Variants in CDH10 observed in about 807,000 individuals in gnomAD.
CDH10 encodes cadherin 10, also known as cadherin-10.
A neutral mutation model predicts 73.1 loss-of-function variants in CDH10; 30 were observed. The ratio of observed to expected loss-of-function variants is 0.41; its 90% CI spans 0.31 to 0.56. CDH10 has a LOEUF of 0.56. Among genes scored for constraint, CDH10 ranks in the 20% least tolerant of loss-of-function variants. The probability of loss-of-function intolerance (pLI) is 0.27; values close to 1 mark genes in which losing one functional copy is unlikely to be tolerated. For synonymous variants in CDH10, 345 were observed against 348.2 expected (o/e 0.99, Z 0.10); for missense variants, 815 against 973.7 (o/e 0.84, Z 2.17).
intron 5 of CDH10, among the ~76,000 whole-genome samples, chr5:24,531,391 A>G (rs536404634): frequency 3.3e-5 from 5 of 152,228 alleles, no homozygotes; most frequent in South Asian, 4.1e-4. Flanking sequence ...GACAAACACC[A>G]TATACTTGTA....
intron 5 of CDH10, among the ~76,000 whole-genome samples, chr5:24,514,248 CAG>C (rs1424432002): frequency 6.6e-6 from 1 of 152,134 alleles, no homozygotes; most frequent in Non-Finnish European, 1.5e-5. Context: ...AAGCTTTACT[CAG>C]AGTTTCAAAA....
chr5:24,542,543 A>C (rs1960616), intron 2 of CDH10, among the ~76,000 whole-genome samples: 1,657 of 152,274 alleles, frequency 0.011, 25 homozygotes, highest in African/African-American at 0.037. Context: ...GGTATGTAGA[A>C]GGTTATACCA....
intron 11 of CDH10, among the ~76,000 whole-genome samples, chr5:24,489,912 T>A (rs1337044303): frequency 2.0e-5 from 3 of 152,112 alleles, no homozygotes; most frequent in Admixed American, 6.6e-5. Context: ...ATACACTGAC[T>A]AATAGCAAGG....
chr5:24,499,700 AT>A (rs1452398065), intron 8 of CDH10, among the ~76,000 whole-genome samples: 1 of 147,182 alleles, frequency 6.8e-6, no homozygotes, highest in Non-Finnish European at 1.5e-5. Flanking sequence ...AAAAAAAAAA[AT>A]GATGCATTTT....
chr5:24,494,449 T>G lies in CDH10; in HGVS notation c.1516-1524A>C, dbSNP rs556106805. Among the ~76,000 whole-genome samples, 7 of 152,070 alleles carry G rather than the reference T, an allele frequency of 4.6e-5. No individual in the cohort carries two copies. The East Asian group carries it at 1.2e-3, about 25-fold the overall frequency. On this transcript the variant is annotated intron_variant, in intron 9 of 11. Transcript: ENST00000264463. Reference sequence around the variant, plus strand: ...AATAACATCAAAAAAGACAGTAGACTACTAGAAATCCTTAGTCATTAAGAT... The same window carrying G: ...AATAACATCAAAAAAGACAGTAGACGACTAGAAATCCTTAGTCATTAAGAT...
At chr5:24,597,211 T>C (rs1746399326) in intron 1 of CDH10, among the ~76,000 whole-genome samples, 1 of 152,106 alleles carries the variant, frequency 6.6e-6, no homozygotes, top group Non-Finnish European at 1.5e-5. Context: ...CCACTTTTAA[T>C]ATATATTCAC....
chr5:24,556,424 T>C (rs559339863), intron 2 of CDH10, among the ~76,000 whole-genome samples: 284 of 152,174 alleles, frequency 1.9e-3, no homozygotes, highest in Middle Eastern at 0.01. Context: ...GTTTGATTTA[T>C]ATTAATAAAT....
chr5:24,574,690 T>C (rs1243771205), intron 2 of CDH10, among the ~76,000 whole-genome samples: 1 of 70,582 alleles, frequency 1.4e-5, no homozygotes, highest in African/African-American at 2.9e-5. Flanking sequence ...AAATATCCTA[T>C]TGAAGGAACT....
At chr5:24,596,987 A>G (rs1470664294) in intron 1 of CDH10, among the ~76,000 whole-genome samples, 1 of 152,012 alleles carries the variant, frequency 6.6e-6, no homozygotes, top group Non-Finnish European at 1.5e-5. Context: ...TGAAACTATT[A>G]TTAAACTACC....
chr5:24,596,999 C>T lies in CDH10; in HGVS notation c.-123-3386G>A, dbSNP rs555590848. Among the ~76,000 whole-genome samples the T allele has an allele frequency of 3.9e-5, 6 of 152,046 alleles. No individual in the cohort carries two copies. The East Asian group carries it at 1.2e-3, about 29-fold the overall frequency. On this transcript the variant is annotated intron_variant, in intron 1 of 11. Transcript: ENST00000264463. ...GGTTGAAACTATTATTAAACTACCTCTCTGACTAAAAATGCTAAAATTAAT... is the reference window on the plus strand; with the variant it reads ...GGTTGAAACTATTATTAAACTACCTTTCTGACTAAAAATGCTAAAATTAAT...
chr5:24,549,940 A>G (rs567491774), intron 2 of CDH10, among the ~76,000 whole-genome samples: 1 of 152,322 alleles, frequency 6.6e-6, no homozygotes, highest in South Asian at 2.1e-4. Context: ...AGAAAGGTGA[A>G]ATAAGTATAT....
intron 2 of CDH10, among the ~76,000 whole-genome samples, chr5:24,544,745 C>G (rs1230026740): frequency 6.6e-6 from 1 of 152,156 alleles, no homozygotes; most frequent in African/African-American, 2.4e-5. Context: ...ACTCAAGAAC[C>G]TACAAGAGAT....
At chr5:24,513,608 A>G (rs913601417) in intron 5 of CDH10, among the ~76,000 whole-genome samples, 3 of 152,158 alleles carry the variant, frequency 2.0e-5, no homozygotes, top group Non-Finnish European at 4.4e-5. Flanking sequence ...GCATATACAT[A>G]CGCTACATGT....
At chr5:24,540,833 T>C (rs1223811375) in intron 2 of CDH10, among the ~76,000 whole-genome samples, 1 of 151,892 alleles carries the variant, frequency 6.6e-6, no homozygotes, top group Middle Eastern at 3.2e-3. Flanking sequence ...TTAGCCTATG[T>C]TTAATGAAAG....
intron 1 of CDH10, among the ~76,000 whole-genome samples, chr5:24,606,999 C>T (rs1333372221): frequency 6.6e-6 from 1 of 152,156 alleles, no homozygotes; most frequent in Admixed American, 6.5e-5. Flanking sequence ...CTAAGCCTAA[C>T]ACCTAACACC....
intron 5 of CDH10, among the ~76,000 whole-genome samples, chr5:24,520,383 G>A (rs940181180): frequency 2.6e-5 from 4 of 152,126 alleles, no homozygotes; most frequent in Non-Finnish European, 4.4e-5. Context: ...AGAAAATGAT[G>A]TACAGTGTGA....
intron 2 of CDH10, among the ~76,000 whole-genome samples, chr5:24,573,712 A>AG (rs1353786032): frequency 6.7e-6 from 1 of 149,540 alleles, no homozygotes; most frequent in African/African-American, 2.4e-5. Context: ...AAAAAAAAAA[A>AG]AAAGAAAGAA....
At chr5:24,556,808 A>G (rs188956625) in intron 2 of CDH10, among the ~76,000 whole-genome samples, 1 of 151,936 alleles carries the variant, frequency 6.6e-6, no homozygotes, top group East Asian at 1.9e-4. Context: ...CTTTCATTCT[A>G]TATATAATAA....
chr5:24,500,993 C>T (rs537589798), intron 8 of CDH10, among the ~76,000 whole-genome samples: 1 of 152,046 alleles, frequency 6.6e-6, no homozygotes, highest in Non-Finnish European at 1.5e-5. Flanking sequence ...TTGCTAATAC[C>T]CAGAGCCATG....
Sources: gnomAD v4.1 joint callset for allele counts (sites outside exome capture counted in the v4.1 genomes callset) on GRCh38, gnomAD v4.1.1 for gene constraint, MANE v1.5 for transcripts, NCBI Gene and HGNC (gene_info 2026-07-23, HGNC 2026-07-21) for gene names.